Variants in PDE9A observed in about 807,000 individuals in gnomAD.
The protein encoded by PDE9A is phosphodiesterase 9A.
PDE9A carries 60 observed loss-of-function variants against 87.4 expected under a neutral mutation model. That is an observed-to-expected ratio of 0.69 (90% CI 0.56 to 0.85). PDE9A has a LOEUF of 0.85. Ranked by LOEUF, PDE9A falls within the 40% of genes least tolerant of loss-of-function variation. The probability of loss-of-function intolerance (pLI) is 0.00; values close to 1 mark genes in which losing one functional copy is unlikely to be tolerated. For missense variants in PDE9A, 665 were observed against 779.0 expected (o/e 0.85, Z 1.74); for synonymous variants, 272 against 279.4 (o/e 0.97, Z 0.27).
intron 7 of PDE9A, among the ~76,000 whole-genome samples, chr21:42,737,008 A>G (rs540559955): frequency 1.3e-5 from 2 of 152,366 alleles, no homozygotes; most frequent in South Asian, 4.1e-4. Flanking sequence ...GAGCCCAGAC[A>G]TTTTAGGAAG....
At chr21:42,721,670 G>C in intron 4 of PDE9A, among the ~76,000 whole-genome samples, 1 of 152,162 alleles carries the variant, frequency 6.6e-6, no homozygotes, top group East Asian at 1.9e-4. Context: ...GCAGTTGCAG[G>C]GGTCAGGAGA....
At position 42,670,312 on chromosome 21, in the gene PDE9A, C is replaced by T. The variant is rs1041856108; in HGVS notation, c.70-15880C>T. Among the ~76,000 whole-genome samples, 60 of 117,712 alleles carry T rather than the reference C, an allele frequency of 5.1e-4. 1 individual carries two copies. Among genetic ancestry groups the T allele is most frequent in the Non-Finnish European group, 9.6e-5 (6 of 62,816 alleles). 77.2% of individuals were successfully genotyped at this position (117,712 alleles called of 152,430 possible). On this transcript the variant is annotated intron_variant, in intron 1 of 19. Coordinates refer to ENST00000291539, the MANE Select transcript of PDE9A (RefSeq NM_002606.3). Reference sequence around the variant, plus strand: ...ACACATTCACACACATACACTTAGACACCACACTCACATTCACACACATTC... The same window carrying T: ...ACACATTCACACACATACACTTAGATACCACACTCACATTCACACACATTC...
chr21:42,766,096 C>T (rs566761153), intron 15 of PDE9A, among the ~76,000 whole-genome samples: 3 of 152,224 alleles, frequency 2.0e-5, no homozygotes, highest in African/African-American at 7.2e-5. Flanking sequence ...TGGGAGGCCA[C>T]GGCAGGAGGA....
At chr21:42,678,732 C>T (rs1326705541) in intron 1 of PDE9A, among the ~76,000 whole-genome samples, 3 of 152,244 alleles carry the variant, frequency 2.0e-5, no homozygotes, top group Non-Finnish European at 2.9e-5. Context: ...CAAACAGCAT[C>T]GGATGTGCAG....
intron 7 of PDE9A, among the ~76,000 whole-genome samples, chr21:42,736,247 CACA>C (rs1347628762): frequency 6.6e-6 from 1 of 152,166 alleles, no homozygotes; most frequent in Admixed American, 6.5e-5. Context: ...TTATGTCGCC[CACA>C]ACAAGATGAA....
intron 3 of PDE9A, among the ~76,000 whole-genome samples, chr21:42,690,567 G>T (rs1005306546): frequency 6.6e-6 from 1 of 151,960 alleles, no homozygotes; most frequent in African/African-American, 2.4e-5. Flanking sequence ...CTGAGATGTG[G>T]CTGTATTTGT....
chr21:42,693,848 T>A (rs1602099090), intron 3 of PDE9A, among the ~76,000 whole-genome samples: 1 of 148,304 alleles, frequency 6.7e-6, no homozygotes, highest in Non-Finnish European at 1.5e-5. Flanking sequence ...CACCTCAGCC[T>A]CCCAAAGTGC....
At chr21:42,768,071 A>G (rs2056576130) in intron 15 of PDE9A, 117 bp from the exon 16 acceptor site, 4 of 681,988 alleles carry the variant, frequency 5.9e-6, no homozygotes, top group Non-Finnish European at 1.1e-5. Context: ...GCTCAGTTGC[A>G]TGGTCCAGCA....
intron 18 of PDE9A, among the ~76,000 whole-genome samples, chr21:42,771,417 A>G (rs369472354): frequency 1.2e-4 from 19 of 152,268 alleles, no homozygotes; most frequent in African/African-American, 4.3e-4. Flanking sequence ...CCTGCTGCCC[A>G]TGGTGTGGCC....
In PDE9A at chr21:42,716,242, A is replaced by G. The variant is rs552095529; in HGVS notation, c.263-15528A>G. Among the ~76,000 whole-genome samples, 7 of 151,926 alleles carry G rather than the reference A, an allele frequency of 4.6e-5. No individual in the cohort carries two copies. In the South Asian group the frequency reaches 1.3e-3, roughly 28 times the overall value. ...ACATAAGATTTTAACACATTTGGAT[A>G]AATACCAAGAAGCACAATTGCTGGA... On this transcript the variant is annotated intron_variant, in intron 4 of 19. Coordinates refer to ENST00000291539, the MANE Select transcript of PDE9A (RefSeq NM_002606.3).
At chr21:42,686,801 C>T (rs1239462215) in intron 2 of PDE9A, among the ~76,000 whole-genome samples, 2 of 151,992 alleles carry the variant, frequency 1.3e-5, no homozygotes, top group African/African-American at 2.4e-5. Context: ...GGCAACAGAG[C>T]GAGACTCCGC....
At chr21:42,726,622 A>ATTTTTTTTTTTT (rs1445924271) in intron 4 of PDE9A, among the ~76,000 whole-genome samples, 30 of 25,218 alleles carry the variant, frequency 1.2e-3, no homozygotes, top group African/African-American at 1.2e-3. Context: ...ATATATATAT[A>ATTTTTTTTTTTT]TATTTTTTTT....
intron 1 of PDE9A, among the ~76,000 whole-genome samples, chr21:42,657,551 A>G (rs573241648): frequency 6.6e-6 from 1 of 152,048 alleles, no homozygotes; most frequent in Non-Finnish European, 1.5e-5. Context: ...TCTCTTGCCT[A>G]TGGAGAAAGG....
At chr21:42,678,839 C>A (rs2058998461) in intron 1 of PDE9A, among the ~76,000 whole-genome samples, 1 of 152,210 alleles carries the variant, frequency 6.6e-6, no homozygotes, top group Admixed American at 6.5e-5. Context: ...GCAGGTACCA[C>A]AGATCAGGGT....
At chr21:42,691,362 A>C (rs2059826624) in intron 3 of PDE9A, among the ~76,000 whole-genome samples, 1 of 150,496 alleles carries the variant, frequency 6.6e-6, no homozygotes, top group East Asian at 2.0e-4. Flanking sequence ...TCACCATCCA[A>C]AGTCACCCAG....
At chr21:42,731,735 A>G (rs1218707448) in intron 4 of PDE9A, 35 bp from the exon 5 acceptor site, 7 of 1,590,252 alleles carry the variant, frequency 4.4e-6, no homozygotes, top group Non-Finnish European at 6.0e-6. Flanking sequence ...GAAACTTCCC[A>G]TATTTGGAAA....
At chr21:42,743,515 C>T (rs6586343) in intron 7 of PDE9A, among the ~76,000 whole-genome samples, 141,036 of 152,256 alleles carry the variant, frequency 0.93, 65,408 homozygotes, top group Admixed American at 0.95. Flanking sequence ...GGAGCTTCTG[C>T]CTTCTGAAAA....
At chr21:42,743,682 C>A in intron 7 of PDE9A, 94 bp from the exon 8 acceptor site, 1 of 776,718 alleles carries the variant, frequency 1.3e-6, no homozygotes, top group Non-Finnish European at 2.2e-6. Context: ...ATATTCCTCC[C>A]TGGGAGCCAC....
In PDE9A at chr21:42,659,965, T is replaced by A. The variant is rs1381017872; in HGVS notation, c.69+6082T>A. 6.6e-6 allele frequency among the ~76,000 whole-genome samples: 1 copy of A among 152,146 alleles called. No individual in the cohort carries two copies. The highest frequency in any genetic ancestry group is 1.9e-4 in the East Asian group (1 of 5,186). The stretch of plus-strand genomic sequence containing the variant: ...AAACGGGGACGAGCCGGGCAGCTGA[T>A]CTCAGTGCAGCAACTGGGACACCTC... On this transcript the variant is annotated intron_variant, in intron 1 of 19. Coordinates refer to ENST00000291539, the MANE Select transcript of PDE9A (RefSeq NM_002606.3). This position sits in a 1 kb window ranked among gnomAD's most constrained non-coding sequence, Gnocchi z 4.1.
Sources: allele counts gnomAD v4.1 joint callset (sites outside exome capture counted in the v4.1 genomes callset), GRCh38; gene constraint gnomAD v4.1.1; non-coding constraint Gnocchi (gnomAD v3.1); transcripts MANE v1.5; gene names NCBI Gene and HGNC (gene_info 2026-07-23, HGNC 2026-07-21).